Variants in TSPAN15 observed in about 807,000 individuals in gnomAD.
TSPAN15 encodes tetraspanin 15, also known as tetraspanin-15.
TSPAN15 carries 20 observed loss-of-function variants against 34.5 expected under a neutral mutation model. The observed-to-expected ratio is 0.58, with a 90% CI of 0.41 to 0.84. TSPAN15 has a LOEUF of 0.84. Ranked by LOEUF, TSPAN15 falls within the 40% of genes least tolerant of loss-of-function variation. The pLI is 0.00. For missense variants in TSPAN15, 313 were observed against 386.1 expected (o/e 0.81, Z 1.59); for synonymous variants, 155 against 153.9 (o/e 1.01, Z -0.05).
At chr10:69,517,127 G>C in the TSPAN15 span, among the ~76,000 whole-genome samples, 1 of 152,204 alleles carries the variant, frequency 6.6e-6, no homozygotes, top group African/African-American at 2.4e-5. Context: ...GGCTGTGCCA[G>C]GTGTACGGGT....
the TSPAN15 span, among the ~76,000 whole-genome samples, chr10:69,523,925 G>A: frequency 3.4e-5 from 5 of 147,872 alleles, no homozygotes; most frequent in Admixed American, 2.1e-4. Flanking sequence ...TCAAAGGAAA[G>A]GGGATGGGGT....
intron 3 of TSPAN15, among the ~76,000 whole-genome samples, chr10:69,487,292 C>G (rs1841875265): frequency 6.6e-6 from 1 of 152,108 alleles, no homozygotes; most frequent in South Asian, 2.1e-4. Context: ...TGGAGGCACA[C>G]AGGAGTTAAG....
intron 1 of TSPAN15, among the ~76,000 whole-genome samples, chr10:69,455,763 G>A (rs1841093598): frequency 6.6e-6 from 1 of 151,648 alleles, no homozygotes; most frequent in South Asian, 2.1e-4. Context: ...TGAGTTAAGG[G>A]GTATATGAAT....
chr10:69,546,754 A>G, the TSPAN15 span, among the ~76,000 whole-genome samples: 18 of 152,128 alleles, frequency 1.2e-4, no homozygotes, highest in Non-Finnish European at 2.1e-4. Context: ...TACTTTGACT[A>G]TTTGACATAG....
At chr10:69,521,220 G>A in the TSPAN15 span, among the ~76,000 whole-genome samples, 1 of 152,132 alleles carries the variant, frequency 6.6e-6, no homozygotes, top group African/African-American at 2.4e-5. Flanking sequence ...AAACAAAAAG[G>A]CAGAGGAGGC....
intron 1 of TSPAN15, among the ~76,000 whole-genome samples, chr10:69,452,169 G>C (rs1454276340): frequency 2.6e-5 from 4 of 152,314 alleles, no homozygotes; most frequent in African/African-American, 7.2e-5. Flanking sequence ...CTCCGTCTTG[G>C]TTTCCTCTTT....
At chr10:69,458,668 C>T (rs1841169974) in intron 1 of TSPAN15, among the ~76,000 whole-genome samples, 1 of 152,104 alleles carries the variant, frequency 6.6e-6, no homozygotes, top group Admixed American at 6.5e-5. Context: ...GAGAGGTCCT[C>T]CCCTCCCCCA....
chr10:69,490,740 A>G (rs926656708), intron 3 of TSPAN15, among the ~76,000 whole-genome samples: 2 of 152,204 alleles, frequency 1.3e-5, no homozygotes, highest in African/African-American at 2.4e-5. Flanking sequence ...AAACAAAACA[A>G]AACAAAAAAC....
At chr10:69,478,702 C>T (rs189202083) in intron 1 of TSPAN15, among the ~76,000 whole-genome samples, 9 of 152,264 alleles carry the variant, frequency 5.9e-5, no homozygotes, top group Admixed American at 2.6e-4. Flanking sequence ...GAAATACACA[C>T]GGATACAAAA....
downstream of TSPAN15, among the ~76,000 whole-genome samples, chr10:69,510,834 CAT>C (rs1842407481): frequency 6.6e-6 from 1 of 152,144 alleles, no homozygotes; most frequent in African/African-American, 2.4e-5. Context: ...TTGAGATAAT[CAT>C]GTGGTTTTTG....
intron 3 of TSPAN15, among the ~76,000 whole-genome samples, chr10:69,489,232 C>G (rs750890132): frequency 1.3e-5 from 2 of 152,196 alleles, no homozygotes; most frequent in African/African-American, 2.4e-5. Context: ...AAAAATATGG[C>G]TCTTTTTGCC....
At chr10:69,485,269 G>T in intron 3 of TSPAN15, 54 bp downstream of exon 3, 6 of 1,543,182 alleles carry the variant, frequency 3.9e-6, no homozygotes, top group Non-Finnish European at 5.4e-6. Context: ...CCCACTGTGG[G>T]TGCCTTGGGC....
chr10:69,520,402 C>T, the TSPAN15 span, among the ~76,000 whole-genome samples: 2 of 152,182 alleles, frequency 1.3e-5, no homozygotes, highest in Admixed American at 1.3e-4. Flanking sequence ...TGGCTCACAC[C>T]TGTAATCTCA....
the TSPAN15 span, among the ~76,000 whole-genome samples, chr10:69,518,737 T>C: frequency 6.6e-6 from 1 of 152,216 alleles, no homozygotes; most frequent in Admixed American, 6.5e-5. Flanking sequence ...CTCTTGATTT[T>C]AAAAAGTAAA....
intron 4 of TSPAN15, among the ~76,000 whole-genome samples, chr10:69,497,508 A>G (rs1446734312): frequency 1.3e-5 from 2 of 152,106 alleles, no homozygotes; most frequent in African/African-American, 2.4e-5. Context: ...CTCTCTACAA[A>G]GAGCCCTTTC....
chr10:69,509,511 A>C (rs1277520972), downstream of TSPAN15, among the ~76,000 whole-genome samples: 2 of 151,988 alleles, frequency 1.3e-5, no homozygotes, highest in African/African-American at 4.8e-5. Flanking sequence ...AGATTGCAAA[A>C]ATTTTCTTCC....
At chr10:69,454,245 C>T (rs562618388) in intron 1 of TSPAN15, among the ~76,000 whole-genome samples, 51 of 152,298 alleles carry the variant, frequency 3.3e-4, no homozygotes, top group African/African-American at 6.0e-4. Context: ...GGGCCGGGCC[C>T]GGTGGCTCAT....
At chr10:69,465,238 C>T (rs575594079) in intron 1 of TSPAN15, among the ~76,000 whole-genome samples, 2 of 152,312 alleles carry the variant, frequency 1.3e-5, no homozygotes, top group African/African-American at 4.8e-5. Context: ...TGGCAGTGGC[C>T]ACTTGGCTTT....
chr10:69,541,012 T>C, the TSPAN15 span, among the ~76,000 whole-genome samples: 110 of 152,066 alleles, frequency 7.2e-4, 1 homozygote, highest in East Asian at 0.017. Context: ...AAGGAGAACA[T>C]CCCCAGACTG....
Sources: allele counts gnomAD v4.1 joint callset (sites outside exome capture counted in the v4.1 genomes callset), GRCh38; gene constraint gnomAD v4.1.1; transcripts MANE v1.5; gene names NCBI Gene and HGNC (gene_info 2026-07-23, HGNC 2026-07-21).